The following ARHGAP35 variants were observed in gnomAD, a reference collection of about 807,000 sequenced individuals.
ARHGAP35 encodes the protein Rho GTPase activating protein 35.
In ARHGAP35, 15 loss-of-function variants were observed where a neutral mutation model predicts 111.1. The ratio of observed to expected loss-of-function variants is 0.13; its 90% confidence interval spans 0.09 to 0.21. The LOEUF (loss-of-function observed/expected upper bound fraction) is 0.21, where lower values mean the gene tolerates loss of function less well. Among genes scored for constraint, ARHGAP35 ranks in the 10% least tolerant of loss-of-function variants. The probability of loss-of-function intolerance (pLI) is 1.00; values close to 1 mark genes in which losing one functional copy is unlikely to be tolerated. For missense variants in ARHGAP35, 1,262 were observed against 1,873.0 expected, an observed-to-expected ratio of 0.67 and a Z score of 6.02; for synonymous variants, 643 against 710.3, an observed-to-expected ratio of 0.91 and a Z score of 1.51.
chr19:46,999,315 C>A lies in ARHGAP35; in HGVS notation c.4048C>A (p.Arg1350=). 1 of 1,586,478 alleles carries A rather than the reference C, an allele frequency of 6.3e-7. No individual in the cohort carries two copies. Among genetic ancestry groups the A allele is most frequent in the East Asian group, 2.3e-5 (1 of 43,784 alleles). Residue 1350 remains arginine (R), a synonymous_variant, in exon 6 of 7, where the codon CGG becomes AGG. Transcript: ENST00000672722. The surrounding 1 kb of genome is among the most constrained non-coding windows in gnomAD (Gnocchi z 5.4). ...TTCTCTCTCCTCAGAAATCAACGAC[C>A]GGGAGCAGAAGTTGCATGCCCTTAA... ...DLVEAHKIND[R]EQKLHALKEV... is the part of the protein sequence containing the mutation.
At chr19:46,936,805 TGA>T (rs1454181370) in intron 2 of ARHGAP35, among the ~76,000 whole-genome samples, 1 of 151,918 alleles carries the variant, frequency 6.6e-6, no homozygotes, top group African/African-American at 2.4e-5. Flanking sequence ...TTAAAAGTAG[TGA>T]GATGAGCCAA....
chr19:46,975,904 A>T (rs1485134530), intron 3 of ARHGAP35, among the ~76,000 whole-genome samples: 1 of 152,226 alleles, frequency 6.6e-6, no homozygotes, highest in Non-Finnish European at 1.5e-5. Flanking sequence ...CAGTCAGCCT[A>T]GATCTATGTA....
intron 2 of ARHGAP35, among the ~76,000 whole-genome samples, chr19:46,928,581 G>A (rs779468935): frequency 5.3e-5 from 8 of 151,988 alleles, no homozygotes; most frequent in Admixed American, 1.3e-4. Flanking sequence ...GCCACGAGTT[G>A]TCTTCTCGGG....
chr19:46,979,869 A>G (rs1222848089), intron 3 of ARHGAP35, among the ~76,000 whole-genome samples: 4 of 152,068 alleles, frequency 2.6e-5, no homozygotes, highest in Admixed American at 6.5e-5. Flanking sequence ...CAGCTAACGA[A>G]GGGGCAGGGG....
At position 46,994,939 on chromosome 19, in the gene ARHGAP35, C is replaced by T. The variant is rs556795336; in HGVS notation, c.4037-4365C>T. Among the ~76,000 whole-genome samples the T allele has an allele frequency of 1.3e-5, 2 of 152,310 alleles. No homozygotes were observed. Among genetic ancestry groups the T allele is most frequent in the East Asian group, 1.9e-4 (1 of 5,178 alleles). On this transcript the variant is annotated intron_variant, in intron 5 of 6. Transcript: ENST00000672722. The surrounding 1 kb of genome is among the most constrained non-coding windows in gnomAD (Gnocchi z 5.4). ...ACACAACCTCACCCATCCCCACGTG[C>T]TCAGCCCAGCCCTTCTCATGCTCAC...
intron 1 of ARHGAP35, among the ~76,000 whole-genome samples, chr19:46,892,150 A>T (rs1236337343): frequency 6.7e-6 from 1 of 149,946 alleles, no homozygotes. Flanking sequence ...AAAAAAAAGA[A>T]AAATTAGCCA....
chr19:46,901,920 C>T lies in ARHGAP35; in HGVS notation c.-188-16568C>T, dbSNP rs2056085197. Reference sequence around the variant, plus strand: ...TTATCTGTGTATGCTTTCCCTCCCCCTGCAAGATTTAATGACCTAGCCAGG... The same window carrying T: ...TTATCTGTGTATGCTTTCCCTCCCCTTGCAAGATTTAATGACCTAGCCAGG... On this transcript the variant is annotated intron_variant, in intron 1 of 6. Transcript: ENST00000672722. This position sits in a 1 kb window ranked among gnomAD's most constrained non-coding sequence, Gnocchi z 4.5. Among the ~76,000 whole-genome samples the T allele has an allele frequency of 6.6e-6, 1 of 152,178 alleles. No individual in the cohort carries two copies. Among genetic ancestry groups the T allele is most frequent in the African/African-American group, 2.4e-5 (1 of 41,444 alleles).
intron 3 of ARHGAP35, among the ~76,000 whole-genome samples, chr19:46,956,925 A>G (rs928210175): frequency 6.6e-6 from 1 of 151,238 alleles, no homozygotes; most frequent in Admixed American, 6.6e-5. Flanking sequence ...CTTACTAATT[A>G]CAAATTATCA....
In ARHGAP35 at chr19:46,982,736, G is replaced by T. The variant is rs897734623; in HGVS notation, c.3827-5253G>T. The stretch of plus-strand genomic sequence containing the variant: ...TGGCCAGCAGCAGCAGCATCATCTG[G>T]GAATGCATTAGAAATGCAGATTTTG... On this transcript the variant is annotated intron_variant, in intron 3 of 6. Transcript: ENST00000672722. Among the ~76,000 whole-genome samples, 13 of 151,850 alleles carry T rather than the reference G, an allele frequency of 8.6e-5. No individual in the cohort carries two copies. The East Asian group carries it at 2.5e-3, about 29-fold the overall frequency.
intron 1 of ARHGAP35, among the ~76,000 whole-genome samples, chr19:46,872,272 T>G (rs2055891659): frequency 6.6e-6 from 1 of 152,126 alleles, no homozygotes; most frequent in Non-Finnish European, 1.5e-5. Context: ...TATTTTAAAA[T>G]ATATATGTGA....
intron 3 of ARHGAP35, among the ~76,000 whole-genome samples, chr19:46,968,390 A>G (rs1223195844): frequency 6.6e-6 from 1 of 152,214 alleles, no homozygotes; most frequent in Non-Finnish European, 1.5e-5. Context: ...AGGAGGGAAG[A>G]AAGCAAGGGA....
chr19:46,982,778 C>G (rs781226950), intron 3 of ARHGAP35, among the ~76,000 whole-genome samples: 6 of 151,862 alleles, frequency 4.0e-5, no homozygotes, highest in Admixed American at 6.6e-5. Flanking sequence ...GGCGCAATGG[C>G]CCACACCCAG....
In ARHGAP35 at chr19:47,000,675, AAC is replaced by A; in HGVS notation, c.4492_4493del (p.Thr1498AlafsTer17). On this transcript the variant is annotated frameshift_variant, in exon 7 of 7. Transcript: ENST00000672722. LOFTEE classifies it high-confidence loss of function. This position sits in a 1 kb window ranked among gnomAD's most constrained non-coding sequence, Gnocchi z 6.9. Reference sequence around the variant, plus strand: ...CTGCTTCCCTCCCAGCTTCAAGCCGAACACACGCTGTGAGCCACCAAGACCTG... The same window carrying A: ...CTGCTTCCCTCCCAGCTTCAAGCCGAACACGCTGTGAGCCACCAAGACCTG... 2 of 1,585,844 alleles carry A rather than the reference AAC, an allele frequency of 1.3e-6. No individual in the cohort carries two copies. The highest frequency in any genetic ancestry group is 1.2e-5 in the South Asian group (1 of 86,310).
chr19:46,866,525 G>T (rs1022250986), intron 1 of ARHGAP35, among the ~76,000 whole-genome samples: 7 of 152,192 alleles, frequency 4.6e-5, no homozygotes, highest in Non-Finnish European at 8.8e-5. Flanking sequence ...CACCTTCCTA[G>T]TCTGAAGCCT....
chr19:46,869,941 TA>T (rs1374434183), intron 1 of ARHGAP35, among the ~76,000 whole-genome samples: 3 of 140,732 alleles, frequency 2.1e-5, no homozygotes, highest in African/African-American at 8.2e-5. Flanking sequence ...AATCACTGTG[TA>T]CTTTTTTTTT....
intron 3 of ARHGAP35, among the ~76,000 whole-genome samples, chr19:46,979,777 T>C (rs1052060956): frequency 6.6e-6 from 1 of 151,686 alleles, no homozygotes; most frequent in Non-Finnish European, 1.5e-5. Context: ...CGTAATAGAG[T>C]GTTAGTGGCC....
Position 46,986,012 on chromosome 19 carries a change from C to T in ARHGAP35, c.3827-1977C>T, listed in dbSNP as rs1359496296. Among the ~76,000 whole-genome samples the T allele has an allele frequency of 4.6e-5, 7 of 152,140 alleles. No homozygotes were observed. The highest frequency in any genetic ancestry group is 4.1e-4 in the South Asian group (2 of 4,822). ...CGGAAGCCTGACTGACTCCAGGGCC[C>T]GGTGCTCTCTACTGTCGGCACTGTT... On this transcript the variant is annotated intron_variant, in intron 3 of 6. Coordinates refer to ENST00000672722, the MANE Select transcript of ARHGAP35 (RefSeq NM_004491.5). The surrounding 1 kb of genome is among the most constrained non-coding windows in gnomAD (Gnocchi z 4.3).
chr19:46,871,447 G>A (rs770414395), intron 1 of ARHGAP35, among the ~76,000 whole-genome samples: 1 of 152,024 alleles, frequency 6.6e-6, no homozygotes, highest in Non-Finnish European at 1.5e-5. Context: ...GGTTAAAGCA[G>A]TTCTCCTGCC....
rs1164220320 is a variant in ARHGAP35, at chr19:46,986,187, A to G, written c.3827-1802A>G. Among the ~76,000 whole-genome samples the G allele has an allele frequency of 6.6e-6, 1 of 152,136 alleles. No individual in the cohort carries two copies. The highest frequency in any genetic ancestry group is 2.4e-5 in the African/African-American group (1 of 41,420). ...TCACAGTGACTTCACTGTCCTTTCG[A>G]CAAAGTCCTTGAGATCTTGATGGCT... On this transcript the variant is annotated intron_variant, in intron 3 of 6. Transcript: ENST00000672722. This position sits in a 1 kb window ranked among gnomAD's most constrained non-coding sequence, Gnocchi z 4.3.
Sources: allele counts gnomAD v4.1 joint callset (sites outside exome capture counted in the v4.1 genomes callset), GRCh38; gene constraint gnomAD v4.1.1; non-coding constraint Gnocchi (gnomAD v3.1); transcripts MANE v1.5; gene names NCBI Gene and HGNC (gene_info 2026-07-23, HGNC 2026-07-21).